CLSTN2: variants seen among roughly 807,000 people sequenced by gnomAD.
CLSTN2 encodes the protein calsyntenin-2.
In CLSTN2, 48 loss-of-function variants were observed where a neutral mutation model predicts 101.2. The ratio of observed to expected loss-of-function variants is 0.47; its 90% CI spans 0.38 to 0.60. CLSTN2 has a LOEUF of 0.60. CLSTN2 is among the 20% of genes least tolerant of loss of function. The pLI is 0.00. For missense variants in CLSTN2, 1,160 were observed against 1,238.2 expected, an observed-to-expected ratio of 0.94 and a Z score of 0.95; for synonymous variants, 481 against 463.6, an observed-to-expected ratio of 1.04 and a Z score of -0.48.
At chr3:140,205,618 G>GCCCCCC (rs200923291) in intron 2 of CLSTN2, among the ~76,000 whole-genome samples, 1 of 67,222 alleles carries the variant, frequency 1.5e-5, no homozygotes, top group African/African-American at 4.9e-5. Context: ...GACCTGACCC[G>GCCCCCC]CCCCCCACCC....
At position 140,056,337 on chromosome 3, in the gene CLSTN2, A is replaced by G. The variant is rs147611036; in HGVS notation, c.110-119614A>G. ...TTGGATGTCAAGGACTCTACCAAGT[A>G]TCTCCCCTCCTGCCAACCCCCACTC... On this transcript the variant is annotated intron_variant, in intron 1 of 16. Coordinates refer to ENST00000458420, the MANE Select transcript of CLSTN2 (RefSeq NM_022131.3). Among the ~76,000 whole-genome samples, 455 of 152,260 alleles carry G rather than the reference A, an allele frequency of 3.0e-3. 2 individuals carry two copies. Among genetic ancestry groups the G allele is most frequent in the African/African-American group, 0.01 (417 of 41,550 alleles).
intron 2 of CLSTN2, among the ~76,000 whole-genome samples, chr3:140,365,549 C>G (rs2087777801): frequency 6.6e-6 from 1 of 152,162 alleles, no homozygotes; most frequent in South Asian, 2.1e-4. Context: ...CATGTCCTTC[C>G]CACAGCCCAG....
At chr3:140,422,688 A>G (rs1367502304) in intron 5 of CLSTN2, among the ~76,000 whole-genome samples, 1 of 152,172 alleles carries the variant, frequency 6.6e-6, no homozygotes, top group African/African-American at 2.4e-5. Flanking sequence ...AGAGACATAG[A>G]AAGAAGGACA....
intron 2 of CLSTN2, among the ~76,000 whole-genome samples, chr3:140,327,479 G>A (rs1160193572): frequency 6.6e-6 from 1 of 152,204 alleles, no homozygotes; most frequent in Admixed American, 6.5e-5. Context: ...GGTTAGGAAT[G>A]TAGGTCTCTT....
intron 2 of CLSTN2, among the ~76,000 whole-genome samples, chr3:140,256,193 C>G (rs2086602787): frequency 6.6e-6 from 1 of 152,134 alleles, no homozygotes; most frequent in South Asian, 2.1e-4. Flanking sequence ...CCATCCTTCA[C>G]CCCACTACTT....
chr3:140,383,916 T>A (rs2088021851), intron 2 of CLSTN2, among the ~76,000 whole-genome samples: 1 of 152,208 alleles, frequency 6.6e-6, no homozygotes. Flanking sequence ...GCAAAGCACC[T>A]GTAATACCAA....
intron 1 of CLSTN2, among the ~76,000 whole-genome samples, chr3:139,991,360 A>G (rs1304646127): frequency 6.6e-6 from 1 of 152,266 alleles, no homozygotes; most frequent in Non-Finnish European, 1.5e-5. Flanking sequence ...GACCATGGGC[A>G]TTGCCATAAA....
At chr3:140,426,301 C>G (rs1386506304) in intron 5 of CLSTN2, among the ~76,000 whole-genome samples, 1 of 152,138 alleles carries the variant, frequency 6.6e-6, no homozygotes, top group Non-Finnish European at 1.5e-5. Flanking sequence ...TGACAGGCCC[C>G]AGTGTGTGAT....
At chr3:140,347,641 G>C (rs1391395337) in intron 2 of CLSTN2, among the ~76,000 whole-genome samples, 1 of 152,174 alleles carries the variant, frequency 6.6e-6, no homozygotes, top group Non-Finnish European at 1.5e-5. Context: ...CAATCTCCAG[G>C]TAGTACTTGC....
intron 1 of CLSTN2, among the ~76,000 whole-genome samples, chr3:140,027,575 G>A (rs2007447269): frequency 6.6e-6 from 1 of 152,082 alleles, no homozygotes; most frequent in South Asian, 2.1e-4. Flanking sequence ...TGTTACTGCA[G>A]CCCATAAAAA....
intron 2 of CLSTN2, among the ~76,000 whole-genome samples, chr3:140,341,292 T>C (rs549033244): frequency 7.2e-5 from 11 of 152,220 alleles, no homozygotes; most frequent in Admixed American, 3.3e-4. Flanking sequence ...TTCAACACTA[T>C]TGCACAGTCT....
intron 2 of CLSTN2, among the ~76,000 whole-genome samples, chr3:140,272,923 G>A (rs1011102290): frequency 1.3e-4 from 20 of 152,074 alleles, no homozygotes; most frequent in African/African-American, 4.8e-4. Flanking sequence ...GAAGGAAGTA[G>A]CTCTTGCAGT....
chr3:140,152,123 G>A (rs1208326291), intron 1 of CLSTN2, among the ~76,000 whole-genome samples: 1 of 152,098 alleles, frequency 6.6e-6, no homozygotes, highest in East Asian at 1.9e-4. Context: ...ATTAATTAAT[G>A]TATTATTACT....
At chr3:139,958,972 C>T (rs549460596) in intron 1 of CLSTN2, among the ~76,000 whole-genome samples, 1 of 151,502 alleles carries the variant, frequency 6.6e-6, no homozygotes, top group Non-Finnish European at 1.5e-5. Flanking sequence ...GAAACTACGT[C>T]CTCCAGATGT....
chr3:140,521,123 G>C (rs1333411988), intron 8 of CLSTN2, among the ~76,000 whole-genome samples: 1 of 84,372 alleles, frequency 1.2e-5, no homozygotes, highest in Admixed American at 1.5e-4. Context: ...CCCACCTTCT[G>C]ATGCCTACTT....
intron 1 of CLSTN2, among the ~76,000 whole-genome samples, chr3:139,992,203 T>C (rs1273437342): frequency 6.6e-6 from 1 of 151,990 alleles, no homozygotes; most frequent in Non-Finnish European, 1.5e-5. Context: ...TATGAGGGTG[T>C]CAGAATGCAC....
intron 10 of CLSTN2, among the ~76,000 whole-genome samples, chr3:140,553,195 G>A (rs553898742): frequency 6.6e-6 from 1 of 152,350 alleles, no homozygotes; most frequent in East Asian, 1.9e-4. Context: ...AAGGACAGAA[G>A]AGAATTGTGT....
At position 140,088,070 on chromosome 3, in the gene CLSTN2, G is replaced by A. The variant is rs531510514; in HGVS notation, c.110-87881G>A. Among the ~76,000 whole-genome samples the A allele has an allele frequency of 4.7e-4, 71 of 152,214 alleles. No homozygotes were observed. In the South Asian group the frequency reaches 0.013, roughly 27 times the overall value. On this transcript the variant is annotated intron_variant, in intron 1 of 16. Transcript: ENST00000458420. ...AGGAGAGTTTGGTATCTCATCAACC[G>A]TTCGTTATGCCATGACATCTCTAAC...
chr3:140,415,274 A>C (rs2088415492), intron 4 of CLSTN2, among the ~76,000 whole-genome samples: 1 of 152,068 alleles, frequency 6.6e-6, no homozygotes, highest in African/African-American at 2.4e-5. Context: ...TGGCATTGGT[A>C]GTGGCAACAA....
Sources: allele counts gnomAD v4.1 joint callset (sites outside exome capture counted in the v4.1 genomes callset), GRCh38; gene constraint gnomAD v4.1.1; transcripts MANE v1.5; gene names NCBI Gene and HGNC (gene_info 2026-07-23, HGNC 2026-07-21).